Variants in ARL10 observed in about 807,000 individuals in gnomAD.
ARL10 encodes ARF like GTPase 10.
In ARL10, 23 loss-of-function variants were observed where a neutral mutation model predicts 26.1. The ratio of observed to expected loss-of-function variants is 0.88; its 90% CI spans 0.63 to 1.25. ARL10 has a LOEUF of 1.25. Ranked by LOEUF, ARL10 falls within the 50% of genes most tolerant of loss-of-function variation. ARL10 has a pLI of 0.00. For missense variants in ARL10, 300 were observed against 323.6 expected, an observed-to-expected ratio of 0.93 and a Z score of 0.56; for synonymous variants, 138 against 149.1, an observed-to-expected ratio of 0.93 and a Z score of 0.54.
downstream of ARL10, among the ~76,000 whole-genome samples, chr5:176,390,240 G>T (rs1461459941): frequency 6.6e-6 from 1 of 150,568 alleles, no homozygotes; most frequent in Non-Finnish European, 1.5e-5. Context: ...CTAGTTCAGT[G>T]GGCCTAGAGT....
chr5:176,366,300 C>T (rs1394888552), intron 1 of ARL10, 80 bp from the exon 2 acceptor site: 1 of 1,495,328 alleles, frequency 6.7e-7, no homozygotes, highest in African/African-American at 1.4e-5. Flanking sequence ...GGGCCTGGGC[C>T]CTCTGGTGCC....
At chr5:176,407,703 G>C in the ARL10 span, 2 of 152,256 alleles carry the variant, frequency 1.3e-5, no homozygotes, top group Non-Finnish European at 2.9e-5. Context: ...AATGTGGCCA[G>C]AGAGCCTGGG....
At chr5:176,371,244 T>G (rs150471283) in intron 3 of ARL10, among the ~76,000 whole-genome samples, 93 of 149,516 alleles carry the variant, frequency 6.2e-4, no homozygotes, top group East Asian at 2.1e-3. Context: ...GCGTGGTGGC[T>G]CACACCTGTA....
Position 176,375,947 on chromosome 5 carries a change from G to A in ARL10, c.*4052G>A, listed in dbSNP as rs1361461172. The stretch of plus-strand genomic sequence containing the variant: ...GTGCCTGAAAGCATAGGTGTAGGCA[G>A]TGTTCCTTGCATAGGCATTACCTGG... On this transcript the variant is annotated 3_prime_UTR_variant, in exon 4 of 4. Coordinates refer to ENST00000310389, the MANE Select transcript of ARL10 (RefSeq NM_173664.6). 6.6e-6 allele frequency: 1 copy of A among 152,228 alleles called. No individual in the cohort carries two copies. Among genetic ancestry groups the A allele is most frequent in the Non-Finnish European group, 1.5e-5 (1 of 68,054 alleles). 9.4% of individuals were successfully genotyped at this position (152,228 alleles called of 1,614,324 possible). A position where few individuals can be genotyped will look rare whatever the true frequency, so the allele number is the denominator to read the frequency against.
chr5:176,385,203 G>T (rs370500348), downstream of ARL10: 10 of 1,484,752 alleles, frequency 6.7e-6, no homozygotes, highest in Non-Finnish European at 7.5e-6. Flanking sequence ...GCCAGCCCAC[G>T]GGGCCTGAGC....
rs1363842775 is a variant in ARL10 at position 176,378,783 on chromosome 5, C to T, written c.*6888C>T. 2.0e-5 allele frequency: 3 copies of T among 151,546 alleles called. No homozygotes were observed. The highest frequency in any genetic ancestry group is 3.9e-4 in the East Asian group (2 of 5,078). 9.4% of individuals were successfully genotyped at this position (151,546 alleles called of 1,614,324 possible). A position where few individuals can be genotyped will look rare whatever the true frequency, so the allele number is the denominator to read the frequency against. On this transcript the variant is annotated 3_prime_UTR_variant, in exon 4 of 4. Coordinates refer to ENST00000310389, the MANE Select transcript of ARL10 (RefSeq NM_173664.6). ...TGGCAGGCACCTGTAGTCCCAGCTA[C>T]TTGGGAGGCTGAGGCAGGAGAATGG...
chr5:176,409,538 C>T, the ARL10 span, among the ~76,000 whole-genome samples: 3 of 151,544 alleles, frequency 2.0e-5, no homozygotes, highest in South Asian at 2.1e-4. Context: ...CTTAGCCTCC[C>T]GAGTAGCTGG....
downstream of ARL10, chr5:176,406,630 T>G (rs1301435146): frequency 1.2e-5 from 16 of 1,289,404 alleles, no homozygotes; most frequent in Non-Finnish European, 1.6e-5. Flanking sequence ...CAAATGGAAC[T>G]GGAATAGTTG....
At chr5:176,366,300 C>A in intron 1 of ARL10, 80 bp from the exon 2 acceptor site, 1 of 1,495,328 alleles carries the variant, frequency 6.7e-7, no homozygotes, top group East Asian at 2.5e-5. Context: ...GGGCCTGGGC[C>A]CTCTGGTGCC....
At chr5:176,391,121 G>C (rs1756252508), downstream of ARL10, among the ~76,000 whole-genome samples, 1 of 152,110 alleles carries the variant, frequency 6.6e-6, no homozygotes, top group African/African-American at 2.4e-5. Context: ...GTGGAGGGCT[G>C]TACTAGGGCC....
chr5:176,385,215 G>A (rs192533769), downstream of ARL10: 307 of 1,560,694 alleles, frequency 2.0e-4, 2 homozygotes, highest in South Asian at 7.7e-4. Flanking sequence ...GGCCTGAGCC[G>A]CTCACCTTAT....
rs1768557259 is a variant in ARL10 at position 176,371,824 on chromosome 5, C to T, written c.664C>T (p.Pro222Ser). The T allele has an allele frequency of 6.2e-7, 1 of 1,614,182 alleles. No individual in the cohort carries two copies. Residue 222 changes from proline to serine, a missense_variant, in exon 4 of 4, where the codon CCT becomes TCT. Coordinates refer to ENST00000310389, the MANE Select transcript of ARL10 (RefSeq NM_173664.6). ...TTTCCTCTTGGCAGCCAGCATTGCC[C>T]CTGCAGGACCCACCTTTGAAGAGCC... ...EVFLLAASIA[P>S]AGPTFEEPGT...
downstream of ARL10, among the ~76,000 whole-genome samples, chr5:176,392,197 C>T (rs1390587076): frequency 6.6e-6 from 1 of 152,216 alleles, no homozygotes; most frequent in Non-Finnish European, 1.5e-5. The surrounding 1 kb of genome is among the most constrained non-coding windows in gnomAD (Gnocchi z 5.2). Flanking sequence ...CCTCCCACTA[C>T]AAGCCACTTC....
the ARL10 span, among the ~76,000 whole-genome samples, chr5:176,407,792 T>G: frequency 6.6e-6 from 1 of 152,176 alleles, no homozygotes; most frequent in African/African-American, 2.4e-5. Flanking sequence ...CAACTAGACA[T>G]GAAGCTGCTG....
downstream of ARL10, among the ~76,000 whole-genome samples, chr5:176,393,552 GA>G (rs1165667196): frequency 1.3e-5 from 2 of 152,156 alleles, no homozygotes; most frequent in Non-Finnish European, 2.9e-5. This position sits in a 1 kb window ranked among gnomAD's most constrained non-coding sequence, Gnocchi z 4.4. Flanking sequence ...TGTGCGTCGT[GA>G]CCCTCCAAGG....
At chr5:176,397,770 C>G in intron 1 of ARL10, 1 of 1,563,530 alleles carries the variant, frequency 6.4e-7, no homozygotes, top group Non-Finnish European at 8.8e-7. Flanking sequence ...GATGCACAGG[C>G]CCGGCCGCGC....
intron 1 of ARL10, among the ~76,000 whole-genome samples, chr5:176,400,264 T>A (rs1237306833): frequency 1.3e-5 from 2 of 151,822 alleles, no homozygotes; most frequent in Non-Finnish European, 2.9e-5. Flanking sequence ...CTAAGAGCTG[T>A]TATGATTTAA....
At chr5:176,384,186 G>A, downstream of ARL10, 2 of 1,614,112 alleles carry the variant, frequency 1.2e-6, no homozygotes, top group Non-Finnish European at 8.5e-7. Flanking sequence ...CAGCTTCACT[G>A]GTCCGGGGGA....
intron 1 of ARL10, among the ~76,000 whole-genome samples, chr5:176,387,785 C>G (rs1756002408): frequency 6.6e-6 from 1 of 152,152 alleles, no homozygotes; most frequent in Non-Finnish European, 1.5e-5. Context: ...GCTTATAATC[C>G]CAGCTATTTG....
Sources: allele counts gnomAD v4.1 joint callset (sites outside exome capture counted in the v4.1 genomes callset), GRCh38; gene constraint gnomAD v4.1.1; non-coding constraint Gnocchi (gnomAD v3.1); transcripts MANE v1.5; gene names NCBI Gene and HGNC (gene_info 2026-07-23, HGNC 2026-07-21).